Variants in B3GALT1 observed in about 807,000 individuals in gnomAD.
The protein encoded by B3GALT1 is UDP-Gal:betaGlcNAc beta 1,3-galactosyltransferase, polypeptide 1.
B3GALT1 carries 10 observed loss-of-function variants against 23.2 expected under a neutral mutation model. The observed-to-expected ratio is 0.43, with a 90% CI of 0.27 to 0.73. The LOEUF (loss-of-function observed/expected upper bound fraction) is 0.73. B3GALT1 is among the 30% of genes least tolerant of loss of function. The pLI, the probability that B3GALT1 is intolerant of heterozygous loss-of-function variation, is 0.21. For synonymous variants in B3GALT1, 156 were observed against 141.5 expected (o/e 1.10, Z -0.73); for missense variants, 299 against 405.4 (o/e 0.74, Z 2.25).
intron 1 of B3GALT1, among the ~76,000 whole-genome samples, chr2:167,364,795 C>T (rs995540203): frequency 5.9e-5 from 9 of 152,206 alleles, no homozygotes; most frequent in Non-Finnish European, 1.3e-4. Flanking sequence ...GAACTCATTT[C>T]TTCTTTTTCT....
At chr2:167,449,516 G>C (rs1699054674) in intron 1 of B3GALT1, among the ~76,000 whole-genome samples, 1 of 152,146 alleles carries the variant, frequency 6.6e-6, no homozygotes, top group Non-Finnish European at 1.5e-5. Flanking sequence ...GGGTTTTCTA[G>C]ATATATGATC....
chr2:167,434,950 T>G (rs940325641), intron 1 of B3GALT1, among the ~76,000 whole-genome samples: 5 of 152,082 alleles, frequency 3.3e-5, no homozygotes, highest in African/African-American at 7.2e-5. Context: ...GAAAATAGGA[T>G]TAAGTTTTAA....
intron 2 of B3GALT1, among the ~76,000 whole-genome samples, chr2:167,601,396 C>T (rs1684875511): frequency 6.6e-6 from 1 of 152,138 alleles, no homozygotes; most frequent in Non-Finnish European, 1.5e-5. Context: ...GATTACATTC[C>T]CTCTTTGCCT....
intron 1 of B3GALT1, among the ~76,000 whole-genome samples, chr2:167,351,749 C>T (rs1010894906): frequency 6.6e-6 from 1 of 152,138 alleles, no homozygotes; most frequent in African/African-American, 2.4e-5. Flanking sequence ...TTTTCTTTCT[C>T]TCTTACTTTT....
intron 1 of B3GALT1, among the ~76,000 whole-genome samples, chr2:167,421,571 G>C (rs1054930285): frequency 1.3e-5 from 2 of 152,172 alleles, no homozygotes; most frequent in African/African-American, 2.4e-5. Context: ...TTTACAAATG[G>C]AAGAAAGGGG....
intron 3 of B3GALT1, among the ~76,000 whole-genome samples, chr2:167,786,420 T>C (rs536920085): frequency 3.9e-5 from 6 of 152,248 alleles, no homozygotes; most frequent in Non-Finnish European, 5.9e-5. Context: ...TTTTCTATGT[T>C]GGCTGCAGTC....
intron 2 of B3GALT1, among the ~76,000 whole-genome samples, chr2:167,630,179 A>G (rs373357595): frequency 6.6e-6 from 1 of 151,934 alleles, no homozygotes; most frequent in East Asian, 1.9e-4. Context: ...TTAGATACAC[A>G]AAATACACTT....
At chr2:167,446,273 C>T (rs1574082344) in intron 1 of B3GALT1, among the ~76,000 whole-genome samples, 2 of 152,310 alleles carry the variant, frequency 1.3e-5, no homozygotes, top group African/African-American at 4.8e-5. Context: ...GTAACCTGAC[C>T]TTACTCTCTG....
rs116216871 is a variant in B3GALT1 at position 167,582,762 on chromosome 2, G to A, written c.-409-64147G>A. On this transcript the variant is annotated intron_variant, in intron 2 of 4. Transcript: ENST00000392690. Reference sequence around the variant, plus strand: ...AGGATTCATCCAAGCCCATCCCTGGGCATTCTACAGCGATGTGCTGCTGGA... The same window carrying A: ...AGGATTCATCCAAGCCCATCCCTGGACATTCTACAGCGATGTGCTGCTGGA... Among the ~76,000 whole-genome samples, 1,141 of 152,222 alleles carry A rather than the reference G, an allele frequency of 7.5e-3. 11 individuals carry two copies. Among genetic ancestry groups the A allele is most frequent in the African/African-American group, 0.026 (1,080 of 41,500 alleles).
intron 3 of B3GALT1, among the ~76,000 whole-genome samples, chr2:167,720,402 G>C (rs1382250833): frequency 1.3e-5 from 2 of 152,104 alleles, no homozygotes; most frequent in Non-Finnish European, 2.9e-5. Context: ...CAAACATCTG[G>C]ACACTGGAAA....
At chr2:167,339,630 C>T (rs983486825) in intron 1 of B3GALT1, among the ~76,000 whole-genome samples, 2 of 152,006 alleles carry the variant, frequency 1.3e-5, no homozygotes, top group Non-Finnish European at 2.9e-5. Context: ...ACGTTAATCT[C>T]TATACTTTAT....
chr2:167,630,413 A>G (rs1685419546), intron 2 of B3GALT1, among the ~76,000 whole-genome samples: 2 of 151,830 alleles, frequency 1.3e-5, no homozygotes, highest in Admixed American at 1.3e-4. Flanking sequence ...ATTAAATACA[A>G]GTTCTACAGA....
At chr2:167,600,177 T>C (rs1455023160) in intron 2 of B3GALT1, among the ~76,000 whole-genome samples, 1 of 152,052 alleles carries the variant, frequency 6.6e-6, no homozygotes, top group African/African-American at 2.4e-5. Flanking sequence ...AAAATCAAAT[T>C]AGGACAAAAT....
chr2:167,496,545 G>A (rs187896176), intron 2 of B3GALT1, among the ~76,000 whole-genome samples: 1 of 152,294 alleles, frequency 6.6e-6, no homozygotes, highest in African/African-American at 2.4e-5. Context: ...AACTCAATTA[G>A]GGTAATAGTC....
rs572693421 is a variant in B3GALT1, at chr2:167,786,262, C to T, written c.-351-32410C>T. On this transcript the variant is annotated intron_variant, in intron 3 of 4. Transcript: ENST00000392690. ...TCACAACAGGGAATCTCAGAAACCT[C>T]GCCTGTTACACAGGAATAATAGCAT... Among the ~76,000 whole-genome samples, 54 of 152,280 alleles carry T rather than the reference C, an allele frequency of 3.5e-4. No homozygotes were observed. In the Middle Eastern group the frequency reaches 0.024, roughly 67 times the overall value.
intron 1 of B3GALT1, among the ~76,000 whole-genome samples, chr2:167,422,958 C>T (rs545966138): frequency 3.3e-5 from 5 of 152,224 alleles, no homozygotes; most frequent in African/African-American, 1.2e-4. Flanking sequence ...ATAGAAACAT[C>T]ATTCAGAAAA....
chr2:167,561,749 A>C (rs1206622922), intron 2 of B3GALT1, among the ~76,000 whole-genome samples: 1 of 152,240 alleles, frequency 6.6e-6, no homozygotes, highest in Non-Finnish European at 1.5e-5. Flanking sequence ...TCCCAAGACT[A>C]AACCAAGAAG....
At chr2:167,597,310 T>G (rs1684796654) in intron 2 of B3GALT1, among the ~76,000 whole-genome samples, 1 of 151,332 alleles carries the variant, frequency 6.6e-6, no homozygotes, top group South Asian at 2.1e-4. Flanking sequence ...AGAGACGGGG[T>G]TTCACCGTGT....
chr2:167,417,443 G>A (rs1040206865), intron 1 of B3GALT1, among the ~76,000 whole-genome samples: 2 of 152,078 alleles, frequency 1.3e-5, no homozygotes, highest in Non-Finnish European at 2.9e-5. Flanking sequence ...CTCAGGCTCC[G>A]TAACTGTAAG....
Sources: allele counts gnomAD v4.1 joint callset (sites outside exome capture counted in the v4.1 genomes callset), GRCh38; gene constraint gnomAD v4.1.1; transcripts MANE v1.5; gene names NCBI Gene and HGNC (gene_info 2026-07-23, HGNC 2026-07-21).